The following MGAT5 variants were observed in gnomAD, a reference collection of about 807,000 sequenced individuals.
MGAT5 encodes the protein alpha-1,6-mannosylglycoprotein 6-beta-N-acetylglucosaminyltransferase A.
Under a neutral mutation model 94.3 loss-of-function variants are expected in MGAT5, and 30 were observed. The observed-to-expected ratio is 0.32, with a 90% confidence interval of 0.24 to 0.43. The LOEUF (loss-of-function observed/expected upper bound fraction) is 0.43, where lower values mean the gene tolerates loss of function less well. Among genes scored for constraint, MGAT5 ranks in the 20% least tolerant of loss-of-function variants. MGAT5 has a pLI of 1.00. For missense variants in MGAT5, 691 were observed against 905.5 expected, an observed-to-expected ratio of 0.76 and a Z score of 3.04; for synonymous variants, 310 against 322.9, an observed-to-expected ratio of 0.96 and a Z score of 0.43.
At chr2:134,296,242 A>G (rs1685666621) in intron 2 of MGAT5, among the ~76,000 whole-genome samples, 1 of 152,186 alleles carries the variant, frequency 6.6e-6, no homozygotes, top group Admixed American at 6.5e-5. Flanking sequence ...TTTAAAAAAT[A>G]ACACACAATT....
At chr2:134,295,053 G>T (rs1685593163) in intron 2 of MGAT5, among the ~76,000 whole-genome samples, 1 of 152,142 alleles carries the variant, frequency 6.6e-6, no homozygotes, top group South Asian at 2.1e-4. Context: ...CCTTTCTGTA[G>T]AAAGTAAAAA....
chr2:134,287,404 T>A (rs1034132243), intron 2 of MGAT5, among the ~76,000 whole-genome samples: 1 of 151,950 alleles, frequency 6.6e-6, no homozygotes, highest in East Asian at 1.9e-4. Flanking sequence ...CATCTGAGAG[T>A]TTTTCTTTTT....
At chr2:134,277,004 C>A (rs1469297412) in intron 2 of MGAT5, among the ~76,000 whole-genome samples, 2 of 152,142 alleles carry the variant, frequency 1.3e-5, no homozygotes, top group African/African-American at 4.8e-5. Flanking sequence ...AGCAGAGAGA[C>A]AAGGTTCCAT....
intron 6 of MGAT5, among the ~76,000 whole-genome samples, chr2:134,338,956 C>T (rs1348559878): frequency 1.3e-5 from 2 of 152,084 alleles, no homozygotes; most frequent in Non-Finnish European, 2.9e-5. Flanking sequence ...GCTTAGAAGA[C>T]TTTATGCCCT....
In MGAT5 at chr2:134,146,489, G is replaced by C. The variant is rs577797102; in HGVS notation, c.-143+26198G>C. Among the ~76,000 whole-genome samples the C allele has an allele frequency of 7.2e-5, 11 of 152,180 alleles. 1 individual carries two copies. The highest frequency in any genetic ancestry group is 2.4e-4 in the African/African-American group (10 of 41,508). On this transcript the variant is annotated intron_variant, in intron 1 of 16. Coordinates refer to the MGAT5 transcript ENST00000409645. ...GTGGTAGTGTCTTTTGAGCCCAGGA[G>C]GTTGAGGCTGCAGTGAGCTATGATA...
At chr2:134,418,887 A>G (rs1159296676) in intron 12 of MGAT5, among the ~76,000 whole-genome samples, 1 of 152,376 alleles carries the variant, frequency 6.6e-6, no homozygotes, top group East Asian at 1.9e-4. Context: ...GAGAGGGACC[A>G]GCGAGCTTGA....
At position 134,166,636 on chromosome 2, in the gene MGAT5, C is replaced by T. The variant is rs1173164576; in HGVS notation, c.-143+46345C>T. Reference sequence around the variant, plus strand: ...TAATAACATGTTGGTATTCACAATTCATCAGGAGACCTCATAGCAGGTATG... The same window carrying T: ...TAATAACATGTTGGTATTCACAATTTATCAGGAGACCTCATAGCAGGTATG... On this transcript the variant is annotated intron_variant, in intron 1 of 16. Coordinates refer to the MGAT5 transcript ENST00000409645. Among the ~76,000 whole-genome samples the T allele has an allele frequency of 2.0e-5, 3 of 152,216 alleles. No homozygotes were observed. The East Asian group carries it at 5.8e-4, about 29-fold the overall frequency.
At chr2:134,266,676 C>A (rs1683737152) in intron 1 of MGAT5, among the ~76,000 whole-genome samples, 1 of 152,200 alleles carries the variant, frequency 6.6e-6, no homozygotes, top group East Asian at 1.9e-4. Flanking sequence ...TTCATTTGTT[C>A]ACTTACGTAA....
At chr2:134,170,056 C>T (rs1360694378) in intron 1 of MGAT5, among the ~76,000 whole-genome samples, 1 of 152,202 alleles carries the variant, frequency 6.6e-6, no homozygotes, top group East Asian at 1.9e-4. Flanking sequence ...TATGATGCAC[C>T]AACTAGGTGT....
Position 134,222,891 on chromosome 2 carries a change from C to T in MGAT5, c.-142-31371C>T, listed in dbSNP as rs552409870. Among the ~76,000 whole-genome samples, 85 of 152,242 alleles carry T rather than the reference C, an allele frequency of 5.6e-4. 1 individual carries two copies. The highest frequency in any genetic ancestry group is 1.5e-3 in the African/African-American group (63 of 41,558). ...AGTTAAAAGACTGACTTATTTTTAACTTTTTTGTGTTAAGCTACTGTAAGC... is the reference window on the plus strand; with the variant it reads ...AGTTAAAAGACTGACTTATTTTTAATTTTTTTGTGTTAAGCTACTGTAAGC... On this transcript the variant is annotated intron_variant, in intron 1 of 16. Transcript: ENST00000409645.
intron 2 of MGAT5, among the ~76,000 whole-genome samples, chr2:134,303,631 C>T (rs1192539680): frequency 2.0e-5 from 3 of 152,092 alleles, no homozygotes; most frequent in Non-Finnish European, 4.4e-5. Context: ...TGTGGCTGCC[C>T]TGCAGTGAGC....
rs552390317 is a variant in MGAT5 at position 134,137,739 on chromosome 2, CTATT to C, written c.-143+17450_-143+17453del. 2.1e-4 allele frequency among the ~76,000 whole-genome samples: 31 copies of C among 151,012 alleles called. No homozygotes were observed. In the South Asian group the frequency reaches 2.3e-3, roughly 11 times the overall value. Reference sequence around the variant, plus strand: ...GCTGAAGCTTGGACTAGAATAGTCTCTATTTTTTTTTTCTGCTTCATTTTTCTAT... The same window carrying C: ...GCTGAAGCTTGGACTAGAATAGTCTCTTTTTTTTCTGCTTCATTTTTCTAT... On this transcript the variant is annotated intron_variant, in intron 1 of 16. Coordinates refer to the MGAT5 transcript ENST00000409645.
chr2:134,397,783 T>C (rs1682804116), intron 10 of MGAT5, among the ~76,000 whole-genome samples: 1 of 152,112 alleles, frequency 6.6e-6, no homozygotes, highest in Non-Finnish European at 1.5e-5. Context: ...GACATTACGA[T>C]AGCAGTTCAT....
intron 1 of MGAT5, among the ~76,000 whole-genome samples, chr2:134,256,361 T>C (rs1001364383): frequency 3.3e-5 from 5 of 152,250 alleles, no homozygotes; most frequent in African/African-American, 7.2e-5. Flanking sequence ...TTAAAGTTTC[T>C]GGTTGTATGC....
chr2:134,249,384 A>G (rs1375241796), upstream of MGAT5, among the ~76,000 whole-genome samples: 3 of 151,610 alleles, frequency 2.0e-5, no homozygotes, highest in African/African-American at 7.3e-5. Context: ...AACCCTATAC[A>G]CCTTAGCTAT....
In MGAT5 at chr2:134,145,599, A is replaced by T. The variant is rs139003490; in HGVS notation, c.-143+25308A>T. ...CCTGAGCCTTGACATTTGAACTGAA[A>T]ATAACTAACAAGATCCGAGGAGTGA... On this transcript the variant is annotated intron_variant, in intron 1 of 16. Transcript: ENST00000409645. Among the ~76,000 whole-genome samples, 254 of 152,346 alleles carry T rather than the reference A, an allele frequency of 1.7e-3. 3 individuals carry two copies. Among genetic ancestry groups the T allele is most frequent in the African/African-American group, 5.8e-3 (241 of 41,580 alleles).
intron 8 of MGAT5, among the ~76,000 whole-genome samples, chr2:134,347,361 G>A (rs923132102): frequency 2.6e-5 from 4 of 152,146 alleles, no homozygotes; most frequent in South Asian, 4.1e-4. Flanking sequence ...GCCCAGTGCC[G>A]CATAGCTTAC....
intron 1 of MGAT5, among the ~76,000 whole-genome samples, chr2:134,247,359 T>A (rs1172940899): frequency 3.0e-4 from 27 of 91,478 alleles, no homozygotes; most frequent in South Asian, 8.5e-4. Context: ...GGGCCTGAAT[T>A]AAAAAAAAAA....
At chr2:134,151,720 A>T (rs1300833133) in intron 1 of MGAT5, among the ~76,000 whole-genome samples, 2 of 135,432 alleles carry the variant, frequency 1.5e-5, no homozygotes, top group Non-Finnish European at 3.1e-5. Context: ...GCCCTGTGGG[A>T]CCCACTCACC....
Sources: allele counts gnomAD v4.1 joint callset (sites outside exome capture counted in the v4.1 genomes callset), GRCh38; gene constraint gnomAD v4.1.1; transcripts MANE v1.5; gene names NCBI Gene and HGNC (gene_info 2026-07-23, HGNC 2026-07-21).